USH2A: variants seen among roughly 807,000 people sequenced by gnomAD.
USH2A encodes the protein Usher syndrome 2A (autosomal recessive, mild).
Under a neutral mutation model 538.9 loss-of-function variants are expected in USH2A, and 443 were observed. The ratio of observed to expected loss-of-function variants is 0.82; its 90% CI spans 0.76 to 0.89. USH2A has a LOEUF of 0.89. Among genes scored for constraint, USH2A ranks in the 40% least tolerant of loss-of-function variants. USH2A has a pLI of 0.00. For synonymous variants in USH2A, 2,413 were observed against 2,273.5 expected (o/e 1.06, Z -1.75); for missense variants, 6,633 against 6,324.8 (o/e 1.05, Z -1.65).
intron 3 of USH2A, among the ~76,000 whole-genome samples, chr1:216,409,085 C>T (rs1284075310): frequency 6.6e-6 from 1 of 152,136 alleles, no homozygotes; most frequent in African/African-American, 2.4e-5. Context: ...AGTTTAATAA[C>T]AGCTACTAAA....
rs370835620 is a variant in USH2A, at chr1:216,166,281, C to T, written c.4627+8971G>A. Among the ~76,000 whole-genome samples, 5 of 151,910 alleles carry T rather than the reference C, an allele frequency of 3.3e-5. No homozygotes were observed. The South Asian group carries it at 8.3e-4, about 25-fold the overall frequency. On this transcript the variant is annotated intron_variant, in intron 21 of 71. Transcript: ENST00000307340. ...TACCCGGCAAAGGTATCAATATGTT[C>T]AAAGAGATGGGCATCTGAGAGAGTG...
At chr1:216,095,863 A>G (rs941624981) in intron 22 of USH2A, among the ~76,000 whole-genome samples, 1 of 152,198 alleles carries the variant, frequency 6.6e-6, no homozygotes, top group Non-Finnish European at 1.5e-5. Context: ...CACTCAGTCC[A>G]TGATCCTAGA....
intron 20 of USH2A, among the ~76,000 whole-genome samples, chr1:216,182,827 T>C (rs1442074133): frequency 1.3e-5 from 2 of 152,068 alleles, no homozygotes; most frequent in Non-Finnish European, 2.9e-5. Flanking sequence ...TTCCAAAAGC[T>C]GCCAGATCCC....
At chr1:216,299,615 C>T (rs1019878645) in intron 9 of USH2A, among the ~76,000 whole-genome samples, 1 of 151,998 alleles carries the variant, frequency 6.6e-6, no homozygotes, top group East Asian at 1.9e-4. Flanking sequence ...TAAAATGTAA[C>T]TGCATGGATA....
chr1:215,623,116 G>A lies in USH2A; in HGVS notation c.*2665C>T, dbSNP rs182358367. 1 of 152,106 alleles carries A rather than the reference G, an allele frequency of 6.6e-6. No homozygotes were observed. The highest frequency in any genetic ancestry group is 1.9e-4 in the East Asian group (1 of 5,166). 9.4% of individuals were successfully genotyped at this position (152,106 alleles called of 1,614,324 possible). The stretch of plus-strand genomic sequence containing the variant: ...ATTAATATTTGGGTTCCATTTAGTG[G>A]AAATTACAGTAGATTATAAACACAT... On this transcript the variant is annotated 3_prime_UTR_variant, in exon 72 of 72. Transcript: ENST00000307340.
chr1:215,671,018 G>C lies in USH2A; in HGVS notation c.14087C>G (p.Ser4696Cys). 1 of 1,614,134 alleles carries C rather than the reference G, an allele frequency of 6.2e-7. No individual in the cohort carries two copies. The highest frequency in any genetic ancestry group is 8.5e-7 in the Non-Finnish European group (1 of 1,180,008). The change falls in exon 64 of 72, where the codon TCT becomes TGT. Residue 4696 changes from serine to cysteine, a missense_variant. Physicochemically the swap from Ser to Cys is moderately radical, Grantham distance 112. Transcript: ENST00000307340. ...PVLIYNGSST[S>C]FIDSELLPFT... ...AGGCAATAGTTCGGAATCTATAAAA[G>C]ATGTTGAGCTTCCGTTATAGATTAG...
Position 215,895,894 on chromosome 1 carries a change from C to T in USH2A, c.7594+4181G>A, listed in dbSNP as rs1429441137. Among the ~76,000 whole-genome samples the T allele has an allele frequency of 5.9e-5, 9 of 152,102 alleles. No homozygotes were observed. The East Asian group carries it at 1.7e-3, about 29-fold the overall frequency. On this transcript the variant is annotated intron_variant, in intron 40 of 71. Coordinates refer to ENST00000307340, the MANE Select transcript of USH2A (RefSeq NM_206933.4). ...AGTTTGTGTGGTATAGCCTGTTGCTCCTAGGCTACAAACCTGTACAGCATG... is the reference window on the plus strand; with the variant it reads ...AGTTTGTGTGGTATAGCCTGTTGCTTCTAGGCTACAAACCTGTACAGCATG...
Position 216,324,202 on chromosome 1 carries a change from T to G in USH2A, c.1294A>C (p.Lys432Gln). 6.2e-7 allele frequency: 1 copy of G among 1,613,242 alleles called. No homozygotes were observed. Among genetic ancestry groups the G allele is most frequent in the Non-Finnish European group, 8.5e-7 (1 of 1,179,614 alleles). ...TGAAGACAGTTGACAGAATCAGGTTTTTCCAAATCTCCATTGTTTTTCATT... is the reference window on the plus strand; with the variant it reads ...TGAAGACAGTTGACAGAATCAGGTTGTTCCAAATCTCCATTGTTTTTCATT... ...FGMKNNGDLE[K>Q]PDSVNCLQLS... Residue 432 changes from lysine (K) to glutamine (Q), a missense_variant, in exon 7 of 72, where the codon AAA becomes CAA. By Grantham distance (53) the Lys-to-Gln change is moderately conservative (BLOSUM62 1). Coordinates refer to ENST00000307340, the MANE Select transcript of USH2A (RefSeq NM_206933.4).
intron 30 of USH2A, among the ~76,000 whole-genome samples, chr1:216,066,451 G>C (rs1017085450): frequency 6.6e-6 from 1 of 152,142 alleles, no homozygotes; most frequent in African/African-American, 2.4e-5. Flanking sequence ...GGGCGACAGA[G>C]TGAGACTTCA....
chr1:215,963,625 G>A (rs1354462753), intron 37 of USH2A, among the ~76,000 whole-genome samples: 1 of 152,050 alleles, frequency 6.6e-6, no homozygotes, highest in Non-Finnish European at 1.5e-5. Flanking sequence ...TAAATGGCTG[G>A]TTTTCGTTGC....
At chr1:215,627,830 T>C (rs908334991) in intron 71 of USH2A, among the ~76,000 whole-genome samples, 4 of 151,738 alleles carry the variant, frequency 2.6e-5, no homozygotes, top group Non-Finnish European at 5.9e-5. Context: ...GCCTGGCCTA[T>C]CTGTTTATTT....
At chr1:215,998,814 A>G in intron 34 of USH2A, 73 bp downstream of exon 34, 1 of 1,537,216 alleles carries the variant, frequency 6.5e-7, no homozygotes, top group Non-Finnish European at 9.0e-7. Context: ...AGAGAGAAAG[A>G]AAAGATGGAC....
chr1:215,900,660 A>G, intron 39 of USH2A, 95 bp downstream of exon 39: 1 of 1,524,170 alleles, frequency 6.6e-7, no homozygotes, highest in Non-Finnish European at 9.0e-7. Context: ...AAGGTAACCT[A>G]TATTTTTTGC....
chr1:216,091,857 C>G (rs541211539), intron 22 of USH2A, among the ~76,000 whole-genome samples: 7 of 152,010 alleles, frequency 4.6e-5, no homozygotes, highest in Non-Finnish European at 8.8e-5. Context: ...ATAAGCATCT[C>G]GTTTTTTCCT....
At chr1:216,398,531 A>AACAC (rs950867573) in intron 3 of USH2A, among the ~76,000 whole-genome samples, 1 of 129,896 alleles carries the variant, frequency 7.7e-6, no homozygotes, top group Non-Finnish European at 1.6e-5. Flanking sequence ...GGAAAAACCA[A>AACAC]ACACACACAC....
intron 20 of USH2A, among the ~76,000 whole-genome samples, chr1:216,186,265 T>C (rs1400805864): frequency 6.6e-6 from 1 of 151,638 alleles, no homozygotes; most frequent in Non-Finnish European, 1.5e-5. Flanking sequence ...CTATATCTCC[T>C]CCTGCCGCTG....
At chr1:215,729,322 T>C (rs550201986) in intron 60 of USH2A, among the ~76,000 whole-genome samples, 39 of 152,354 alleles carry the variant, frequency 2.6e-4, no homozygotes, top group Non-Finnish European at 4.9e-4. Flanking sequence ...ATTCACTTCT[T>C]AGATGCCACT....
At chr1:216,050,604 C>CTTTCTTTCTTTCTTTCTTTCTTTCTTTCT (rs1195871302) in intron 30 of USH2A, among the ~76,000 whole-genome samples, 1 of 68,564 alleles carries the variant, frequency 1.5e-5, no homozygotes, top group Admixed American at 1.6e-4. Flanking sequence ...TTCTTTCTTT[C>CTTTCTTTCTTTCTTTCTTTCTTTCTTTCT]TTTTTTTTTT....
chr1:216,160,625 GA>G (rs1325696939), intron 21 of USH2A, among the ~76,000 whole-genome samples: 6 of 151,812 alleles, frequency 4.0e-5, no homozygotes, highest in Non-Finnish European at 8.8e-5. Context: ...AAAATTATGC[GA>G]TTTCTATAGC....
Sources: allele counts gnomAD v4.1 joint callset (sites outside exome capture counted in the v4.1 genomes callset), GRCh38; gene constraint gnomAD v4.1.1; transcripts MANE v1.5; gene names NCBI Gene and HGNC (gene_info 2026-07-23, HGNC 2026-07-21).